POLB: variants seen among roughly 807,000 people sequenced by gnomAD.
POLB encodes the protein 5'-dRP lyase.
Under a neutral mutation model 52.7 loss-of-function variants are expected in POLB, and 37 were observed. The observed-to-expected ratio is 0.70, with a 90% CI of 0.54 to 0.92. POLB has a LOEUF of 0.92. POLB is among the 40% of genes least tolerant of loss of function. POLB has a pLI of 0.00. For synonymous variants in POLB, 138 were observed against 131.3 expected (o/e 1.05, Z -0.35); for missense variants, 313 against 400.8 (o/e 0.78, Z 1.87).
chr8:42,349,180 A>G, intron 4 of POLB, 90 bp downstream of exon 4: 1 of 699,992 alleles, frequency 1.4e-6, no homozygotes, highest in South Asian at 1.8e-5. Flanking sequence ...AATGTCATTC[A>G]CTGTAGTGAG....
intron 11 of POLB, 29 bp downstream of exon 11, chr8:42,362,727 A>G (rs1472062974): frequency 7.7e-6 from 8 of 1,036,354 alleles, no homozygotes; most frequent in Admixed American, 2.1e-5. Context: ...TAGCACATCT[A>G]AAAAAAAACT....
rs113635204 is a variant in POLB at position 42,345,735 on chromosome 8, T to G, written c.186+716T>G. ...TCAAAATGCTTCAGATTTTGGACAT[T>G]CTGGAATGTGGATTTTTGGATTAGT... On this transcript the variant is annotated intron_variant, in intron 3 of 13. Coordinates refer to ENST00000265421, the MANE Select transcript of POLB (RefSeq NM_002690.3). Among the ~76,000 whole-genome samples, 368 of 152,274 alleles carry G rather than the reference T, an allele frequency of 2.4e-3. 5 individuals carry two copies. The highest frequency in any genetic ancestry group is 0.024 in the Middle Eastern group (7 of 294).
chr8:42,359,373 G>A (rs1480756349), intron 9 of POLB, among the ~76,000 whole-genome samples: 1 of 151,294 alleles, frequency 6.6e-6, no homozygotes, highest in Non-Finnish European at 1.5e-5. Flanking sequence ...TTTATTTTTT[G>A]AGATAGGGTC....
chr8:42,345,270 A>G (rs1822539021), intron 3 of POLB, among the ~76,000 whole-genome samples: 1 of 152,214 alleles, frequency 6.6e-6, no homozygotes, highest in South Asian at 2.1e-4. Context: ...TCTCTGTTAC[A>G]ATATATACAT....
chr8:42,344,841 A>G, intron 2 of POLB, 112 bp from the exon 3 acceptor site: 1 of 698,186 alleles, frequency 1.4e-6, no homozygotes, highest in Admixed American at 2.5e-5. Context: ...AAAATTAGTT[A>G]TCTTGGTGAA....
chr8:42,350,704 G>A (rs1164864156), intron 5 of POLB, among the ~76,000 whole-genome samples: 1 of 152,058 alleles, frequency 6.6e-6, no homozygotes, highest in African/African-American at 2.4e-5. Context: ...TCATCTTTAT[G>A]GCATGGGGCA....
chr8:42,362,924 A>G (rs1225561291), intron 11 of POLB, among the ~76,000 whole-genome samples: 1 of 152,128 alleles, frequency 6.6e-6, no homozygotes, highest in African/African-American at 2.4e-5. Flanking sequence ...CGGGAGCTCA[A>G]GACCATGCTG....
intron 11 of POLB, among the ~76,000 whole-genome samples, chr8:42,368,327 C>T (rs1291030554): frequency 6.6e-6 from 1 of 152,178 alleles, no homozygotes. Flanking sequence ...TGAAGGTAAA[C>T]ATATTTCATT....
At chr8:42,356,667 A>G (rs1332326393) in intron 7 of POLB, among the ~76,000 whole-genome samples, 3 of 150,870 alleles carry the variant, frequency 2.0e-5, no homozygotes, top group Admixed American at 6.6e-5. Context: ...GGATTTGCCT[A>G]TTCTGGACAC....
intron 10 of POLB, 23 bp from the exon 11 acceptor site, chr8:42,362,588 TA>T: frequency 7.2e-7 from 1 of 1,393,484 alleles, no homozygotes; most frequent in Non-Finnish European, 1.0e-6. Context: ...CTCTTTTTCT[TA>T]TTCCCTAATT....
intron 1 of POLB, 71 bp downstream of exon 1, chr8:42,338,756 C>G (rs1007811939): frequency 1.7e-5 from 25 of 1,446,270 alleles, no homozygotes; most frequent in Middle Eastern, 1.7e-4. Context: ...TCCTTCTCTC[C>G]CACACCGACA....
At chr8:42,359,082 A>C (rs910130933) in intron 9 of POLB, among the ~76,000 whole-genome samples, 7 of 152,122 alleles carry the variant, frequency 4.6e-5, no homozygotes, top group African/African-American at 1.7e-4. Flanking sequence ...ATATGCTTTC[A>C]CATAAAAAGG....
chr8:42,338,518 C>T lies in POLB; in HGVS notation c.-107C>T, dbSNP rs535327390. The stretch of plus-strand genomic sequence containing the variant: ...CATTGTTCCGCCGGTCGCGCCGGAG[C>T]TGGGTTGCTCCTGCTCCCGTCTCCA... On this transcript the variant is annotated 5_prime_UTR_variant, in exon 1 of 14. Transcript: ENST00000265421. 3.0e-5 allele frequency: 29 copies of T among 969,430 alleles called. No homozygotes were observed. The highest frequency in any genetic ancestry group is 7.8e-5 in the South Asian group (6 of 76,482). 60.1% of individuals were successfully genotyped at this position (969,430 alleles called of 1,614,324 possible).
intron 7 of POLB, among the ~76,000 whole-genome samples, chr8:42,356,163 G>A (rs1823303773): frequency 2.0e-5 from 3 of 152,120 alleles, no homozygotes; most frequent in South Asian, 4.1e-4. Flanking sequence ...GCATTATATA[G>A]TGTTGTGAGT....
Position 42,350,873 on chromosome 8 carries a change from T to C in POLB, c.320+808T>C, listed in dbSNP as rs201253851. On this transcript the variant is annotated intron_variant, in intron 5 of 13. Transcript: ENST00000265421. ...ATTTTCATTGGAAGAATTACAAAAA[T>C]TTTTTTTTTTTTTTAGAGATAGTGT... Among the ~76,000 whole-genome samples, 4 of 4,738 alleles carry C rather than the reference T, an allele frequency of 8.4e-4. No individual in the cohort carries two copies. In the Non-Finnish European group the frequency reaches 0.029, roughly 34 times the overall value. 3.1% of individuals were successfully genotyped at this position (4,738 alleles called of 152,430 possible).
intron 6 of POLB, among the ~76,000 whole-genome samples, chr8:42,353,350 T>C (rs1355476646): frequency 4.6e-5 from 7 of 151,752 alleles, no homozygotes; most frequent in Admixed American, 1.3e-4. Context: ...CCTTGTGATC[T>C]GCCCACCTCG....
At position 42,369,865 on chromosome 8, in the gene POLB, C is replaced by T. The variant is rs747233698; in HGVS notation, c.790C>T (p.Gln264Ter). The change falls in exon 13 of 14, where the codon CAG becomes TAG. Residue 264 changes from glutamine (Q) to a stop codon, truncating the protein, a stop_gained. Transcript: ENST00000265421. LOFTEE classifies it high-confidence loss of function. ...RIDIRLIPKD[Q>*]YYCGVLYFTG... is the part of the protein sequence containing the mutation. Reference sequence around the variant, plus strand: ...TTTTTTTAGGTTGATACCCAAAGATCAGTATTACTGTGGTGTTCTCTATTT... The same window carrying T: ...TTTTTTTAGGTTGATACCCAAAGATTAGTATTACTGTGGTGTTCTCTATTT... The T allele has an allele frequency of 6.3e-7, 1 of 1,588,374 alleles. No homozygotes were observed. Among genetic ancestry groups the T allele is most frequent in the Non-Finnish European group, 8.6e-7 (1 of 1,168,340 alleles).
intron 7 of POLB, among the ~76,000 whole-genome samples, chr8:42,356,509 A>G (rs1276150050): frequency 6.6e-6 from 1 of 152,190 alleles, no homozygotes; most frequent in Non-Finnish European, 1.5e-5. Flanking sequence ...AGAGTTGTGC[A>G]CAGTGTAGGA....
At chr8:42,339,285 G>T in intron 2 of POLB, 1 of 568,354 alleles carries the variant, frequency 1.8e-6, no homozygotes, top group Non-Finnish European at 3.2e-6. Flanking sequence ...GCAGATAGCT[G>T]TAGCCTGATA....
Sources: allele counts gnomAD v4.1 joint callset (sites outside exome capture counted in the v4.1 genomes callset), GRCh38; gene constraint gnomAD v4.1.1; transcripts MANE v1.5; gene names NCBI Gene and HGNC (gene_info 2026-07-23, HGNC 2026-07-21).